PTPRC: variants seen among roughly 807,000 people sequenced by gnomAD.
PTPRC encodes the protein protein tyrosine phosphatase receptor type C, also known as receptor-type tyrosine-protein phosphatase C.
In PTPRC, 44 loss-of-function variants were observed where a neutral mutation model predicts 155.9. The observed-to-expected ratio is 0.28, with a 90% CI of 0.22 to 0.36. The LOEUF is 0.36. PTPRC is among the 10% of genes least tolerant of loss of function. The probability of loss-of-function intolerance (pLI) is 1.00; values close to 1 mark genes in which losing one functional copy is unlikely to be tolerated. For missense variants in PTPRC, 1,401 were observed against 1,564.6 expected, an observed-to-expected ratio of 0.90 and a Z score of 1.76; for synonymous variants, 525 against 533.1, an observed-to-expected ratio of 0.98 and a Z score of 0.21.
chr1:198,742,151 A>G (rs1408799392), intron 24 of PTPRC, 81 bp from the exon 25 acceptor site: 3 of 1,604,408 alleles, frequency 1.9e-6, no homozygotes, highest in African/African-American at 1.3e-5. Flanking sequence ...CCTATGGGAG[A>G]AGCTTAGATT....
intron 17 of PTPRC, among the ~76,000 whole-genome samples, 153 bp from the exon 18 acceptor site, chr1:198,731,464 T>C (rs556943157): frequency 1.3e-5 from 2 of 152,052 alleles, no homozygotes; most frequent in South Asian, 4.1e-4. Flanking sequence ...GATTTATAGG[T>C]AAATGTTTGT....
At chr1:198,694,153 G>A (rs1184806386) in intron 3 of PTPRC, 3 of 1,511,210 alleles carry the variant, frequency 2.0e-6, no homozygotes, top group South Asian at 2.5e-5. Context: ...AAGTCCAAGA[G>A]TCCAAAAGCT....
At chr1:198,697,042 G>T (rs772578788) in intron 4 of PTPRC, 133 bp downstream of exon 4, 14 of 866,764 alleles carry the variant, frequency 1.6e-5, no homozygotes, top group Non-Finnish European at 2.7e-5. Flanking sequence ...TGCAGAAATT[G>T]CAGGAAATTA....
Position 198,754,294 on chromosome 1 carries a change from T to A in PTPRC, c.3535T>A (p.Phe1179Ile). ...CRDGSQQTGI[F>I]CALLNLLESA... ...GGATGGATCTCAGCAAACGGGAATATTTTGTGCTTTGTTAAATCTCTTAGA... is the reference window on the plus strand; with the variant it reads ...GGATGGATCTCAGCAAACGGGAATAATTTGTGCTTTGTTAAATCTCTTAGA... Residue 1179 changes from phenylalanine to isoleucine, a missense_variant, in exon 32 of 33, where the codon TTT (phenylalanine) becomes ATT (isoleucine). Coordinates refer to ENST00000442510, the MANE Select transcript of PTPRC (RefSeq NM_002838.5). 6.2e-7 allele frequency: 1 copy of A among 1,611,550 alleles called. No homozygotes were observed. Among genetic ancestry groups the A allele is most frequent in the Non-Finnish European group, 8.5e-7 (1 of 1,177,996 alleles).
In PTPRC at chr1:198,699,612, A is replaced by C. The variant is rs202180702; in HGVS notation, c.347A>C (p.Gln116Pro). The part of the protein sequence containing the change: ...TPHLPTHADS[Q>P]TPSAGTDTQT... The stretch of plus-strand genomic sequence containing the variant: ...CACCTTCCCACGCACGCAGACTCGC[A>C]GACGCCCTCTGCTGGAACTGACACG... Residue 116 changes from glutamine to proline, a missense_variant, in exon 5 of 33, where the codon CAG (glutamine) becomes CCG (proline). By Grantham distance (76) the Gln-to-Pro change is moderately conservative. Coordinates refer to ENST00000442510, the MANE Select transcript of PTPRC (RefSeq NM_002838.5). The C allele has an allele frequency of 2.5e-5, 41 of 1,614,204 alleles. No individual in the cohort carries two copies. In the African/African-American group the frequency reaches 3.9e-4, roughly 15 times the overall value.
At chr1:198,716,450 G>T (rs952134197) in intron 12 of PTPRC, among the ~76,000 whole-genome samples, 1 of 152,136 alleles carries the variant, frequency 6.6e-6, no homozygotes, top group African/African-American at 2.4e-5. Flanking sequence ...CCAAATTAAT[G>T]ATATAAAACC....
At position 198,750,538 on chromosome 1, in the gene PTPRC, A is replaced by T. The variant is rs1390013254; in HGVS notation, c.3119A>T (p.Lys1040Met). Reference protein sequence around the residue: ...EVMIAAQGPLKETIGDFWQMI... With the variant: ...EVMIAAQGPLMETIGDFWQMI... ...ATGATTGCTGCTCAGGGACCACTGA[A>T]GGAGACCATTGGTGACTTTTGGCAG... The change falls in exon 29 of 33, where the codon AAG becomes ATG. Residue 1040 changes from lysine (K) to methionine (M), a missense_variant. Physicochemically the swap from Lys to Met is moderately conservative, Grantham distance 95. This residue lies in a region of PTPRC where 400 missense variants were observed against 389.5 expected (regional missense o/e 1.03). Coordinates refer to ENST00000442510, the MANE Select transcript of PTPRC (RefSeq NM_002838.5). 6.2e-7 allele frequency: 1 copy of T among 1,612,318 alleles called. No individual in the cohort carries two copies. The highest frequency in any genetic ancestry group is 1.1e-5 in the South Asian group (1 of 91,062).
At chr1:198,686,061 G>C (rs1665607448) in intron 2 of PTPRC, among the ~76,000 whole-genome samples, 1 of 151,824 alleles carries the variant, frequency 6.6e-6, no homozygotes, top group Non-Finnish European at 1.5e-5. Flanking sequence ...TGAAATCTCT[G>C]ATCAGGGACT....
intron 29 of PTPRC, among the ~76,000 whole-genome samples, chr1:198,751,250 G>T (rs1475104687): frequency 6.6e-6 from 1 of 151,912 alleles, no homozygotes; most frequent in Non-Finnish European, 1.5e-5. Context: ...ATAGTTGAAG[G>T]TGAATCTAAG....
chr1:198,678,319 A>G (rs1665078494), intron 2 of PTPRC, among the ~76,000 whole-genome samples: 1 of 152,236 alleles, frequency 6.6e-6, no homozygotes, highest in African/African-American at 2.4e-5. Flanking sequence ...ACTACCATTT[A>G]TAGAACTTTT....
chr1:198,705,852 A>T (rs912640831), intron 8 of PTPRC, among the ~76,000 whole-genome samples: 3 of 152,060 alleles, frequency 2.0e-5, no homozygotes, highest in African/African-American at 7.2e-5. Flanking sequence ...TCCTGCTCAT[A>T]TTTTAAAACA....
intron 26 of PTPRC, among the ~76,000 whole-genome samples, 185 bp from the exon 27 acceptor site, chr1:198,747,924 G>A (rs1298418707): frequency 6.6e-6 from 1 of 151,582 alleles, no homozygotes; most frequent in African/African-American, 2.4e-5. Context: ...CTGTCAAAAG[G>A]ACTAAATGCC....
At chr1:198,649,245 G>A (rs1267207097) in intron 2 of PTPRC, among the ~76,000 whole-genome samples, 1 of 151,742 alleles carries the variant, frequency 6.6e-6, no homozygotes. Context: ...AGATAGTCTG[G>A]TTTATAAAAT....
At chr1:198,717,682 G>C (rs1443781594) in intron 13 of PTPRC, among the ~76,000 whole-genome samples, 2 of 152,110 alleles carry the variant, frequency 1.3e-5, no homozygotes, top group East Asian at 3.9e-4. Flanking sequence ...AACCCATCTA[G>C]GTGTTTACCA....
chr1:198,699,792 T>C, intron 5 of PTPRC, 88 bp downstream of exon 5: 1 of 1,535,302 alleles, frequency 6.5e-7, no homozygotes, highest in Non-Finnish European at 9.0e-7. Context: ...TCTAACCACT[T>C]ATTCAATGTG....
chr1:198,734,043 T>G (rs1654514048), intron 20 of PTPRC, among the ~76,000 whole-genome samples, 153 bp from the exon 21 acceptor site: 1 of 151,764 alleles, frequency 6.6e-6, no homozygotes, highest in Admixed American at 6.6e-5. Flanking sequence ...GACCACCAAT[T>G]AATAAGATTC....
At chr1:198,707,051 C>T (rs1179536102) in intron 9 of PTPRC, 99 bp downstream of exon 9, 9 of 1,005,406 alleles carry the variant, frequency 9.0e-6, no homozygotes, top group Non-Finnish European at 1.4e-5. Context: ...GGTGAGAGAA[C>T]AGGGCTGAGG....
intron 28 of PTPRC, 52 bp from the exon 29 acceptor site, chr1:198,750,440 A>C (rs1422938930): frequency 2.6e-6 from 4 of 1,559,742 alleles, no homozygotes; most frequent in South Asian, 1.1e-5. Flanking sequence ...TTAAGAATCT[A>C]CTGAGCTCTC....
intron 2 of PTPRC, among the ~76,000 whole-genome samples, chr1:198,645,131 C>CCT (rs1662870241): frequency 1.3e-5 from 2 of 151,754 alleles, no homozygotes; most frequent in South Asian, 4.1e-4. Context: ...CACACTCATA[C>CCT]GTATTAGGAT....
Sources: allele counts gnomAD v4.1 joint callset (sites outside exome capture counted in the v4.1 genomes callset), GRCh38; gene constraint gnomAD v4.1.1; regional missense constraint gnomAD v4.1.1; transcripts MANE v1.5; gene names NCBI Gene and HGNC (gene_info 2026-07-23, HGNC 2026-07-21).